The following MCTP1 variants were observed in gnomAD, a reference collection of about 807,000 sequenced individuals.
The protein encoded by MCTP1 is multiple C2 and transmembrane domain-containing protein 1.
Under a neutral mutation model 120.6 loss-of-function variants are expected in MCTP1, and 69 were observed. The ratio of observed to expected loss-of-function variants is 0.57; its 90% CI spans 0.47 to 0.70. The LOEUF is 0.70. Ranked by LOEUF, MCTP1 falls within the 30% of genes least tolerant of loss-of-function variation. The pLI, the probability that MCTP1 is intolerant of heterozygous loss-of-function variation, is 0.00. For missense variants in MCTP1, 1,203 were observed against 1,248.8 expected, an observed-to-expected ratio of 0.96 and a Z score of 0.55; for synonymous variants, 529 against 493.1, an observed-to-expected ratio of 1.07 and a Z score of -0.96.
intron 17 of MCTP1, among the ~76,000 whole-genome samples, chr5:94,862,585 C>T (rs42417): frequency 0.64 from 97,203 of 151,586 alleles, 31,834 homozygotes; most frequent in Middle Eastern, 0.74. Context: ...TATTATCTGG[C>T]TTGCTATATT....
At chr5:95,053,028 C>A (rs1189416511) in intron 1 of MCTP1, among the ~76,000 whole-genome samples, 1 of 152,138 alleles carries the variant, frequency 6.6e-6, no homozygotes, top group Non-Finnish European at 1.5e-5. Context: ...GAAATACTCT[C>A]AATACTAAAA....
chr5:94,825,334 T>C (rs778112437), intron 17 of MCTP1, among the ~76,000 whole-genome samples: 1 of 152,214 alleles, frequency 6.6e-6, no homozygotes, highest in Non-Finnish European at 1.5e-5. Context: ...TCAATTTCCA[T>C]GTAGTTTTGC....
intron 17 of MCTP1, among the ~76,000 whole-genome samples, chr5:94,861,335 G>A (rs902586803): frequency 6.6e-6 from 1 of 151,794 alleles, no homozygotes; most frequent in Non-Finnish European, 1.5e-5. Context: ...GTAAATTAAC[G>A]AACACATTCA....
chr5:94,955,093 G>A (rs1275182995), intron 2 of MCTP1, among the ~76,000 whole-genome samples: 2 of 152,186 alleles, frequency 1.3e-5, no homozygotes, highest in East Asian at 3.9e-4. Flanking sequence ...TGGTTGGACA[G>A]TGGGTGCAGC....
intron 1 of MCTP1, chr5:95,081,587 A>G: frequency 1.4e-6 from 2 of 1,479,338 alleles, no homozygotes. Context: ...TTCACCTCCA[A>G]GTGATAGCAA....
chr5:94,771,517 C>T (rs1297429583), intron 19 of MCTP1, among the ~76,000 whole-genome samples: 2 of 152,190 alleles, frequency 1.3e-5, no homozygotes, highest in African/African-American at 4.8e-5. Flanking sequence ...TATATGACTG[C>T]ATTAAAAATG....
chr5:94,944,998 T>A (rs139373813), intron 3 of MCTP1, among the ~76,000 whole-genome samples: 181 of 152,286 alleles, frequency 1.2e-3, no homozygotes, highest in Non-Finnish European at 1.7e-3. Context: ...ATTTTTCAGA[T>A]AATGAATCCA....
intron 1 of MCTP1, among the ~76,000 whole-genome samples, chr5:95,111,038 T>C (rs570769614): frequency 6.6e-6 from 1 of 152,280 alleles, no homozygotes; most frequent in African/African-American, 2.4e-5. Flanking sequence ...GTACTAATAA[T>C]GTGAAGGATT....
chr5:94,846,128 C>T (rs1039652690), intron 17 of MCTP1, among the ~76,000 whole-genome samples: 32 of 152,016 alleles, frequency 2.1e-4, no homozygotes, highest in Middle Eastern at 6.8e-3. Context: ...ATTGGCTATT[C>T]GGCCCAGTAA....
At chr5:95,177,851 A>T (rs73776309) in intron 1 of MCTP1, among the ~76,000 whole-genome samples, 5,551 of 152,330 alleles carry the variant, frequency 0.036, 336 homozygotes, top group African/African-American at 0.12. Flanking sequence ...GAAGTTAAGT[A>T]CTATACCAGG....
chr5:94,863,209 C>T (rs924311264), intron 17 of MCTP1, among the ~76,000 whole-genome samples: 1 of 151,680 alleles, frequency 6.6e-6, no homozygotes, highest in African/African-American at 2.4e-5. Context: ...AGTAAGACCA[C>T]CAATTGTAGA....
chr5:95,235,092 A>T (rs1318633009), intron 1 of MCTP1, among the ~76,000 whole-genome samples: 1 of 152,014 alleles, frequency 6.6e-6, no homozygotes, highest in Non-Finnish European at 1.5e-5. Context: ...AGCAATATAT[A>T]AACAATATAT....
chr5:95,047,450 GT>G (rs1488012429), intron 1 of MCTP1, among the ~76,000 whole-genome samples: 2 of 152,124 alleles, frequency 1.3e-5, no homozygotes, highest in Admixed American at 6.6e-5. Flanking sequence ...AATACATGGT[GT>G]GTCATGACTG....
chr5:94,939,980 A>G, intron 5 of MCTP1, 104 bp downstream of exon 5: 1 of 586,854 alleles, frequency 1.7e-6, no homozygotes, highest in Admixed American at 2.6e-5. Flanking sequence ...AGAACAGGGC[A>G]TATTTTCATA....
chr5:94,850,352 G>A (rs1477113204), intron 17 of MCTP1, among the ~76,000 whole-genome samples: 1 of 152,118 alleles, frequency 6.6e-6, no homozygotes, highest in African/African-American at 2.4e-5. Flanking sequence ...TCAAAGTCTG[G>A]AATTTATGCA....
chr5:94,722,297 A>G (rs1294761074), intron 19 of MCTP1, among the ~76,000 whole-genome samples: 3 of 152,140 alleles, frequency 2.0e-5, no homozygotes, highest in African/African-American at 7.2e-5. Context: ...AGTGATAGAC[A>G]TCGGGGTGAA....
intron 2 of MCTP1, among the ~76,000 whole-genome samples, chr5:95,002,724 G>T (rs1051447919): frequency 6.6e-6 from 1 of 152,192 alleles, no homozygotes; most frequent in African/African-American, 2.4e-5. Context: ...ATAGGCAGAA[G>T]GGACTTGCCT....
intron 1 of MCTP1, among the ~76,000 whole-genome samples, chr5:95,144,644 G>A (rs1310540022): frequency 6.6e-6 from 1 of 152,040 alleles, no homozygotes. Flanking sequence ...TTATCCCAAC[G>A]CCATTTATTA....
chr5:94,771,415 G>A (rs1164211664), intron 19 of MCTP1, among the ~76,000 whole-genome samples: 1 of 152,150 alleles, frequency 6.6e-6, no homozygotes, highest in African/African-American at 2.4e-5. Flanking sequence ...TTAATGTTGA[G>A]AAGAAGTAAA....
Sources: allele counts gnomAD v4.1 joint callset (sites outside exome capture counted in the v4.1 genomes callset), GRCh38; gene constraint gnomAD v4.1.1; transcripts MANE v1.5; gene names NCBI Gene and HGNC (gene_info 2026-07-23, HGNC 2026-07-21).